The following ATR variants were observed in gnomAD, a reference collection of about 807,000 sequenced individuals.
The protein encoded by ATR is ATR checkpoint kinase.
A neutral mutation model predicts 305.3 loss-of-function variants in ATR; 142 were observed. That is an observed-to-expected ratio of 0.47 (90% confidence interval 0.41 to 0.53). The LOEUF is 0.53. ATR is among the 20% of genes least tolerant of loss of function. The pLI is 0.00. For missense variants in ATR, 2,135 were observed against 3,133.1 expected, an observed-to-expected ratio of 0.68 and a Z score of 7.60; for synonymous variants, 1,050 against 1,068.1, an observed-to-expected ratio of 0.98 and a Z score of 0.33.
chr3:142,569,995 T>G (rs1213630639), intron 1 of ATR, among the ~76,000 whole-genome samples: 2 of 152,216 alleles, frequency 1.3e-5, no homozygotes, highest in Non-Finnish European at 2.9e-5. Context: ...AACAGTATCC[T>G]GTGGTTTTGA....
chr3:142,487,089 G>A lies in ATR; in HGVS notation c.6079-1807C>T, dbSNP rs550046337. On this transcript the variant is annotated intron_variant, in intron 35 of 46. Transcript: ENST00000350721. ...GGAGCTTGCAATGAGCCAAGATCGC[G>A]CAACTGCACTCCAGCCTGAGCGACA... 1.9e-3 allele frequency among the ~76,000 whole-genome samples: 290 copies of A among 152,084 alleles called. 1 individual carries two copies. Among genetic ancestry groups the A allele is most frequent in the African/African-American group, 6.3e-3 (262 of 41,496 alleles).
intron 35 of ATR, among the ~76,000 whole-genome samples, chr3:142,487,074 A>G (rs1416578571): frequency 1.3e-5 from 2 of 151,946 alleles, no homozygotes; most frequent in Admixed American, 1.3e-4. Flanking sequence ...GGAGCTTGCA[A>G]TGAGCCAAGA....
chr3:142,486,530 G>C (rs907761408), intron 35 of ATR, among the ~76,000 whole-genome samples: 9 of 151,486 alleles, frequency 5.9e-5, no homozygotes, highest in Admixed American at 1.3e-4. Context: ...ATTTTGAAAA[G>C]TAAAATTCAC....
rs560585353 is a variant in ATR at position 142,460,497 on chromosome 3, T to C, written c.7193-1114A>G. 1.6e-4 allele frequency among the ~76,000 whole-genome samples: 25 copies of C among 152,002 alleles called. No homozygotes were observed. The South Asian group carries it at 4.6e-3, about 28-fold the overall frequency. ...GAATGCTATGTAACAATAAAGGCAATGTGGTACAATACATCCAGAAGCCAC... is the reference window on the plus strand; with the variant it reads ...GAATGCTATGTAACAATAAAGGCAACGTGGTACAATACATCCAGAAGCCAC... On this transcript the variant is annotated intron_variant, in intron 42 of 46. Transcript: ENST00000350721.
chr3:142,576,811 T>A (rs1201367462), intron 1 of ATR, among the ~76,000 whole-genome samples: 1 of 152,172 alleles, frequency 6.6e-6, no homozygotes, highest in African/African-American at 2.4e-5. Flanking sequence ...AGCAAGATTA[T>A]GCAGAGCAGA....
intron 35 of ATR, among the ~76,000 whole-genome samples, chr3:142,486,557 TA>T (rs2030937934): frequency 6.6e-6 from 1 of 152,110 alleles, no homozygotes; most frequent in Non-Finnish European, 1.5e-5. Flanking sequence ...AAAAATACAC[TA>T]ATATTACATT....
intron 36 of ATR, among the ~76,000 whole-genome samples, chr3:142,480,425 GC>G (rs762280681): frequency 1.6e-4 from 24 of 152,314 alleles, no homozygotes; most frequent in Admixed American, 3.3e-4. Flanking sequence ...AGCAAATGTT[GC>G]TGTCTGATTG....
At chr3:142,456,889 T>C (rs1291054576) in intron 45 of ATR, among the ~76,000 whole-genome samples, 1 of 152,224 alleles carries the variant, frequency 6.6e-6, no homozygotes, top group Non-Finnish European at 1.5e-5. Flanking sequence ...TGGAAAATGA[T>C]TTGAGAGTTC....
At chr3:142,451,595 T>C (rs2070790575) in intron 46 of ATR, 6 of 1,305,278 alleles carry the variant, frequency 4.6e-6, no homozygotes, top group Non-Finnish European at 6.0e-6. Flanking sequence ...GATCTGAGTA[T>C]GATGCCAAGG....
intron 46 of ATR, chr3:142,449,950 G>T: frequency 2.7e-6 from 1 of 364,806 alleles, no homozygotes; most frequent in African/African-American, 2.1e-5. Context: ...TAACAATGCT[G>T]TACTGCCTAA....
At chr3:142,475,205 G>A (rs866206568) in intron 36 of ATR, among the ~76,000 whole-genome samples, 1 of 152,010 alleles carries the variant, frequency 6.6e-6, no homozygotes, top group African/African-American at 2.4e-5. Context: ...CCATTAACTC[G>A]TCATTTAACA....
intron 36 of ATR, among the ~76,000 whole-genome samples, chr3:142,481,990 T>C (rs1294457060): frequency 6.6e-6 from 1 of 151,966 alleles, no homozygotes; most frequent in Non-Finnish European, 1.5e-5. Context: ...GCCTGGATAA[T>C]TTTTGTATTT....
intron 1 of ATR, among the ~76,000 whole-genome samples, chr3:142,571,544 G>A (rs1050731457): frequency 1.3e-5 from 2 of 152,014 alleles, no homozygotes; most frequent in African/African-American, 4.8e-5. Context: ...CCAAAGCAGG[G>A]AATGATTAAC....
At chr3:142,509,694 A>G (rs527423838) in intron 27 of ATR, among the ~76,000 whole-genome samples, 1 of 151,696 alleles carries the variant, frequency 6.6e-6, no homozygotes, top group African/African-American at 2.4e-5. Context: ...GTAACCTAGG[A>G]CTACAGGTGC....
chr3:142,536,382 G>A (rs578134058), intron 19 of ATR, among the ~76,000 whole-genome samples, 181 bp from the exon 20 acceptor site: 1 of 152,314 alleles, frequency 6.6e-6, no homozygotes, highest in South Asian at 2.1e-4. Context: ...AGTGGAAAAT[G>A]ACCAAAGCTA....
chr3:142,571,994 G>C (rs1354705362), intron 1 of ATR, among the ~76,000 whole-genome samples: 1 of 151,122 alleles, frequency 6.6e-6, no homozygotes, highest in African/African-American at 2.4e-5. Flanking sequence ...TCGAACTCCT[G>C]ACCTCAGGTA....
chr3:142,535,184 G>C lies in ATR; in HGVS notation c.3841C>G (p.Leu1281Val), dbSNP rs2108425252. 3.1e-6 allele frequency: 5 copies of C among 1,613,158 alleles called. No individual in the cohort carries two copies. The highest frequency in any genetic ancestry group is 4.2e-6 in the Non-Finnish European group (5 of 1,179,394). The change falls in exon 21 of 47, where the codon CTT becomes GTT. Residue 1281 changes from leucine to valine, a missense_variant. Physicochemically the swap from Leu to Val is conservative, Grantham distance 32 (BLOSUM62 1). Coordinates refer to ENST00000350721, the MANE Select transcript of ATR (RefSeq NM_001184.4). ...ATAGAGAGCTGAAGAGTTGTCTGAAGATCAGTGCTCTCAGAGGTCTCCTAT... is the reference window on the plus strand; with the variant it reads ...ATAGAGAGCTGAAGAGTTGTCTGAACATCAGTGCTCTCAGAGGTCTCCTAT... ...YRKETSESTD[L>V]QTTLQLSMKA...
intron 21 of ATR, among the ~76,000 whole-genome samples, chr3:142,529,636 A>G (rs916473907): frequency 4.6e-5 from 7 of 152,158 alleles, no homozygotes; most frequent in African/African-American, 1.7e-4. Context: ...TATTACTTCA[A>G]TTCTTGTAGG....
Position 142,550,258 on chromosome 3 carries a change from C to A in ATR, c.2850G>T (p.Pro950=), listed in dbSNP as rs769928724. ...CGTCAGCATTCTGGCATGGAGTATTCGGAAGTGCTGTCATCTGACTAGAGT... is the reference window on the plus strand; with the variant it reads ...CGTCAGCATTCTGGCATGGAGTATTAGGAAGTGCTGTCATCTGACTAGAGT... ...SLHSSQMTAL[P]NTPCQNADVR... is the part of the protein sequence containing the mutation. The change falls in exon 14 of 47, where the codon CCG becomes CCT. Residue 950 remains proline (P), a synonymous_variant. Transcript: ENST00000350721. 1 of 1,614,090 alleles carries A rather than the reference C, an allele frequency of 6.2e-7. No individual in the cohort carries two copies. The highest frequency in any genetic ancestry group is 8.5e-7 in the Non-Finnish European group (1 of 1,179,992).
Sources: allele counts gnomAD v4.1 joint callset (sites outside exome capture counted in the v4.1 genomes callset), GRCh38; gene constraint gnomAD v4.1.1; transcripts MANE v1.5; gene names NCBI Gene and HGNC (gene_info 2026-07-23, HGNC 2026-07-21).